Variants in SRGAP2 observed in about 807,000 individuals in gnomAD.
SRGAP2 encodes the protein SLIT-ROBO Rho GTPase activating protein 2.
A neutral mutation model predicts 57.2 loss-of-function variants in SRGAP2; 15 were observed. The observed-to-expected ratio is 0.26, with a 90% confidence interval of 0.18 to 0.40. SRGAP2 has a LOEUF of 0.40. Ranked by LOEUF, SRGAP2 falls within the 10% of genes least tolerant of loss-of-function variation. SRGAP2 has a pLI of 1.00. For synonymous variants in SRGAP2, 249 were observed against 248.0 expected (o/e 1.00, Z -0.04); for missense variants, 520 against 669.6 (o/e 0.78, Z 2.47).
chr1:206,446,045 C>T, intron 17 of SRGAP2, 30 bp from the exon 18 acceptor site: 1 of 777,266 alleles, frequency 1.3e-6, no homozygotes, highest in Non-Finnish European at 2.4e-6. Context: ...CGAGAGCTTT[C>T]CAGCTTGCCC....
chr1:206,238,543 T>A (rs1353868858), intron 2 of SRGAP2, among the ~76,000 whole-genome samples: 2 of 63,294 alleles, frequency 3.2e-5, no homozygotes, highest in East Asian at 8.9e-4. Context: ...AGTTGAGAAA[T>A]GGGTAGTTTG....
At chr1:206,300,981 A>G (rs1481387252) in intron 2 of SRGAP2, among the ~76,000 whole-genome samples, 1 of 152,130 alleles carries the variant, frequency 6.6e-6, no homozygotes, top group Non-Finnish European at 1.5e-5. Flanking sequence ...TACATCTGTT[A>G]CTGATTCAGT....
At chr1:206,256,243 T>C (rs1669175477) in intron 2 of SRGAP2, among the ~76,000 whole-genome samples, 2 of 152,088 alleles carry the variant, frequency 1.3e-5, no homozygotes, top group African/African-American at 4.8e-5. Flanking sequence ...GAATTCCGGG[T>C]TGCCCTCTTT....
chr1:206,401,824 T>C (rs1553355864), intron 8 of SRGAP2, among the ~76,000 whole-genome samples, 179 bp downstream of exon 8: 4 of 152,004 alleles, frequency 2.6e-5, no homozygotes, highest in Non-Finnish European at 5.9e-5. Flanking sequence ...TGTCAGACAC[T>C]CGGGCTTGGG....
chr1:206,297,426 T>A (rs1304428245), intron 2 of SRGAP2, among the ~76,000 whole-genome samples: 1 of 72,470 alleles, frequency 1.4e-5, no homozygotes, highest in Non-Finnish European at 2.3e-5. Flanking sequence ...TCAATTGTAT[T>A]CTTATGTAAC....
rs1171287240 is a variant in SRGAP2 at position 206,372,964 on chromosome 1, CCTTTCTTTCTTTCTTTCTTTCTTT to C, written c.424-11009_424-10986del. ...CTTTCTTTCTTTCTTTCTTTTCTTT[CCTTTCTTTCTTTCTTTCTTTCTTT>C]CTTTCTTTCTTTCTTTCTTTCTTTC... On this transcript the variant is annotated intron_variant, in intron 4 of 22. Coordinates refer to ENST00000573034, the MANE Select transcript of SRGAP2 (RefSeq NM_015326.5). Among the ~76,000 whole-genome samples the C allele has an allele frequency of 4.1e-3, 95 of 23,328 alleles. 8 individuals are homozygous for C. Among genetic ancestry groups the C allele is most frequent in the Middle Eastern group, 0.019 (1 of 54 alleles). The allele number at this position is 23,328 out of a possible 152,430, so 15.3% of individuals were successfully genotyped here. A position where few individuals can be genotyped will look rare whatever the true frequency, so the allele number is the denominator to read the frequency against.
At position 206,427,746 on chromosome 1, in the gene SRGAP2, C is replaced by T. The variant is rs541487556; in HGVS notation, c.1495-2416C>T. On this transcript the variant is annotated intron_variant, in intron 13 of 22. Transcript: ENST00000573034. The stretch of plus-strand genomic sequence containing the variant: ...ATCTAAAGCCCTTTCTAGTTAAGTT[C>T]GGTCCCCTCTCCCTGATCTCTTTCT... 1.5e-4 allele frequency among the ~76,000 whole-genome samples: 23 copies of T among 152,292 alleles called. 1 individual carries two copies. The highest frequency in any genetic ancestry group is 1.2e-3 in the South Asian group (6 of 4,816).
In SRGAP2 at chr1:206,461,310, C is replaced by T; in HGVS notation, c.3106C>T (p.Pro1036Ser). Residue 1036 changes from proline to serine, a missense_variant, in exon 23 of 23, where the codon CCA (proline) becomes TCA (serine). Coordinates refer to ENST00000573034, the MANE Select transcript of SRGAP2 (RefSeq NM_015326.5). ...KSVKMAAPVK[P>S]PATRPKPTVF... ...TGTCAAGATGGCTGCCCCGGTCAAA[C>T]CACCAGCCACACGGCCCAAGCCCAC... 1.3e-6 allele frequency: 1 copy of T among 780,968 alleles called. No homozygotes were observed. Among genetic ancestry groups the T allele is most frequent in the Non-Finnish European group, 2.4e-6 (1 of 418,004 alleles). The allele number at this position is 780,968 out of a possible 1,614,324, so 48.4% of individuals were successfully genotyped here.
At chr1:206,221,581 CT>C (rs529451333) in intron 2 of SRGAP2, among the ~76,000 whole-genome samples, 228 of 142,334 alleles carry the variant, frequency 1.6e-3, no homozygotes, top group African/African-American at 5.8e-3. Flanking sequence ...ACTAGTTTCA[CT>C]GCCAAGATAA....
intron 17 of SRGAP2, among the ~76,000 whole-genome samples, chr1:206,441,596 A>C (rs1553372096): frequency 6.6e-6 from 1 of 152,208 alleles, no homozygotes; most frequent in Non-Finnish European, 1.5e-5. Flanking sequence ...GAGCCAGATA[A>C]AGCCGAAGAT....
Position 206,203,592 on chromosome 1 carries a change from A to G in SRGAP2, c.-601A>G, listed in dbSNP as rs1187790776. Reference sequence around the variant, plus strand: ...AAACGGGTGGCGGGGAAGAGAGGGGAGGAGAGCTCTGAGTGGGAAGCGGAG... The same window carrying G: ...AAACGGGTGGCGGGGAAGAGAGGGGGGGAGAGCTCTGAGTGGGAAGCGGAG... On this transcript the variant is annotated 5_prime_UTR_variant, in exon 1 of 23. Transcript: ENST00000573034. The G allele has an allele frequency of 3.2e-5, 19 of 584,960 alleles. No individual in the cohort carries two copies. The highest frequency in any genetic ancestry group is 5.6e-5 in the African/African-American group (3 of 53,388). The allele number at this position is 584,960 out of a possible 1,614,324, so 36.2% of individuals were successfully genotyped here. A position where few individuals can be genotyped will look rare whatever the true frequency, so the allele number is the denominator to read the frequency against.
intron 2 of SRGAP2, among the ~76,000 whole-genome samples, chr1:206,220,398 A>G (rs1201758941): frequency 5.9e-5 from 9 of 152,280 alleles, no homozygotes; most frequent in South Asian, 2.1e-4. Context: ...AGGAGCTAGC[A>G]TTGTTTTCAG....
intron 2 of SRGAP2, among the ~76,000 whole-genome samples, chr1:206,210,602 G>A (rs377459283): frequency 3.7e-4 from 55 of 149,214 alleles, no homozygotes; most frequent in South Asian, 1.7e-3. Flanking sequence ...CGTATTGTGT[G>A]TGTATATATA....
At chr1:206,298,772 A>T (rs2102740434) in intron 2 of SRGAP2, among the ~76,000 whole-genome samples, 1 of 152,362 alleles carries the variant, frequency 6.6e-6, no homozygotes, top group East Asian at 1.9e-4. Flanking sequence ...AAAAAATGTT[A>T]GAGGACATTG....
intron 3 of SRGAP2, among the ~76,000 whole-genome samples, chr1:206,327,950 C>T (rs1341289232): frequency 1.1e-5 from 1 of 88,858 alleles, no homozygotes; most frequent in Non-Finnish European, 2.1e-5. Flanking sequence ...AATGCTATCC[C>T]TCCCCCCTCC....
chr1:206,435,524 C>T (rs1191111654), intron 14 of SRGAP2, among the ~76,000 whole-genome samples: 4 of 152,184 alleles, frequency 2.6e-5, no homozygotes, highest in Admixed American at 6.5e-5. Flanking sequence ...ATTTCTCACC[C>T]GTTTTGCAGT....
Position 206,450,485 on chromosome 1 carries a change from G to GGAA in SRGAP2, c.2179+21_2179+22insAAG, listed in dbSNP as rs1167270520. 2 of 780,366 alleles carry GGAA rather than the reference G, an allele frequency of 2.6e-6. No individual in the cohort carries two copies. Among genetic ancestry groups the GGAA allele is most frequent in the Non-Finnish European group, 4.8e-6 (2 of 417,862 alleles). 48.3% of individuals were successfully genotyped at this position (780,366 alleles called of 1,614,324 possible). ...ATGACGGTACGAGGCCCTGCTTCCT[G>GGAA]GTCAGTGGGGACGCCAGGGGTGAGG... On this transcript the variant is annotated intron_variant, in intron 19 of 22. Transcript: ENST00000573034.
chr1:206,459,646 G>A (rs782594937), intron 22 of SRGAP2, among the ~76,000 whole-genome samples: 6 of 152,124 alleles, frequency 3.9e-5, no homozygotes, highest in Non-Finnish European at 7.4e-5. Context: ...TCACTCAGAC[G>A]TCTCTCCCAA....
At chr1:206,458,246 A>G (rs1237374910) in intron 21 of SRGAP2, 1 of 432,928 alleles carries the variant, frequency 2.3e-6, no homozygotes, top group African/African-American at 2.1e-5. Context: ...CTCTTTGGTG[A>G]TGGTGAGACT....
Sources: gnomAD v4.1 joint callset for allele counts (sites outside exome capture counted in the v4.1 genomes callset) on GRCh38, gnomAD v4.1.1 for gene constraint, MANE v1.5 for transcripts, NCBI Gene and HGNC (gene_info 2026-07-23, HGNC 2026-07-21) for gene names.